Variants in ITGA4 observed in about 807,000 individuals in gnomAD.
ITGA4 encodes integrin alpha-4.
A neutral mutation model predicts 133.6 loss-of-function variants in ITGA4; 63 were observed. The observed-to-expected ratio is 0.47, with a 90% CI of 0.38 to 0.58. The LOEUF (loss-of-function observed/expected upper bound fraction) is 0.58. Among genes scored for constraint, ITGA4 ranks in the 20% least tolerant of loss-of-function variants. The pLI, the probability that ITGA4 is intolerant of heterozygous loss-of-function variation, is 0.00. For synonymous variants in ITGA4, 483 were observed against 438.0 expected (o/e 1.10, Z -1.28); for missense variants, 1,076 against 1,252.7 (o/e 0.86, Z 2.13).
chr2:181,521,373 C>G (rs1011270755), intron 17 of ITGA4, among the ~76,000 whole-genome samples: 2 of 152,110 alleles, frequency 1.3e-5, no homozygotes, highest in African/African-American at 4.8e-5. Flanking sequence ...CCTTATGTCT[C>G]AAATACTTCA....
At chr2:181,475,570 A>T (rs1685656757) in intron 4 of ITGA4, among the ~76,000 whole-genome samples, 1 of 152,200 alleles carries the variant, frequency 6.6e-6, no homozygotes, top group Non-Finnish European at 1.5e-5. Context: ...GGTATAGGTG[A>T]GACTAGTACC....
In ITGA4 at chr2:181,536,193, A is replaced by T. The variant is rs201365453; in HGVS notation, c.*666A>T. The T allele has an allele frequency of 5.3e-5, 8 of 151,916 alleles. No individual in the cohort carries two copies. The highest frequency in any genetic ancestry group is 8.8e-5 in the Non-Finnish European group (6 of 67,932). The allele number at this position is 151,916 out of a possible 1,614,324, so 9.4% of individuals were successfully genotyped here. A position where few individuals can be genotyped will look rare whatever the true frequency, so the allele number is the denominator to read the frequency against. ...TTAGTGAAATTACTTCTGGATAATT[A>T]TTTTTTTATAATTATGGATTTCACC... On this transcript the variant is annotated 3_prime_UTR_variant, in exon 28 of 28. Transcript: ENST00000397033.
In ITGA4 at chr2:181,457,501, C is replaced by A; in HGVS notation, c.-154C>A. The A allele has an allele frequency of 4.3e-6, 3 of 696,912 alleles. No homozygotes were observed. Among genetic ancestry groups the A allele is most frequent in the South Asian group, 1.9e-5 (1 of 51,596 alleles). 43.2% of individuals were successfully genotyped at this position (696,912 alleles called of 1,614,324 possible). A position where few individuals can be genotyped will look rare whatever the true frequency, so the allele number is the denominator to read the frequency against. ...GCTCCGCCCGCGGTGGGCCGACTTC[C>A]CCTCCTCTTCCCTCTCTCCTTCCTT... On this transcript the variant is annotated 5_prime_UTR_variant, in exon 1 of 28. Transcript: ENST00000397033.
chr2:181,492,452 C>T (rs551586935), intron 10 of ITGA4, among the ~76,000 whole-genome samples: 1 of 152,200 alleles, frequency 6.6e-6, no homozygotes, highest in East Asian at 1.9e-4. Flanking sequence ...ATCATGAAGA[C>T]AAACTACTTT....
Position 181,522,239 on chromosome 2 carries a change from G to A in ITGA4, c.1971G>A (p.Leu657=), listed in dbSNP as rs755382254. 3 of 1,562,172 alleles carry A rather than the reference G, an allele frequency of 1.9e-6. No homozygotes were observed. Among genetic ancestry groups the A allele is most frequent in the South Asian group, 2.2e-5 (2 of 89,894 alleles). Residue 657 remains leucine, a synonymous_variant, in exon 18 of 28, where the codon TTG becomes TTA. Coordinates refer to ENST00000397033, the MANE Select transcript of ITGA4 (RefSeq NM_000885.6). ...TTGCTGTTGGGAGTATGAAGACATT[G>A]ATGTTGAATGTGTCCTTGTTTAATG... The part of the protein sequence containing the change: ...TYLAVGSMKT[L]MLNVSLFNAG...
At chr2:181,508,055 AAAG>A (rs1363421500) in intron 15 of ITGA4, among the ~76,000 whole-genome samples, 7 of 152,154 alleles carry the variant, frequency 4.6e-5, no homozygotes, top group Non-Finnish European at 1.0e-4. Flanking sequence ...AATCAAATGA[AAAG>A]AAAATCATTT....
At position 181,458,227 on chromosome 2, in the gene ITGA4, C is replaced by T; in HGVS notation, c.229C>T (p.Leu77Phe). The T allele has an allele frequency of 6.2e-7, 1 of 1,613,850 alleles. No individual in the cohort carries two copies. Among genetic ancestry groups the T allele is most frequent in the Non-Finnish European group, 8.5e-7 (1 of 1,179,886 alleles). ...AGTGGGTGCGCCCACTGCCAACTGGCTCGCCAACGCTTCAGTGATCAATCC... is the reference window on the plus strand; with the variant it reads ...AGTGGGTGCGCCCACTGCCAACTGGTTCGCCAACGCTTCAGTGATCAATCC... ...LLVGAPTANW[L>F]ANASVINPGA... The change falls in exon 2 of 28, where the codon CTC becomes TTC. Residue 77 changes from leucine to phenylalanine, a missense_variant. Physicochemically the swap from Leu to Phe is conservative, Grantham distance 22 (BLOSUM62 0). Coordinates refer to ENST00000397033, the MANE Select transcript of ITGA4 (RefSeq NM_000885.6).
At chr2:181,498,408 A>G (rs1476002117) in intron 14 of ITGA4, 3 of 296,922 alleles carry the variant, frequency 1.0e-5, no homozygotes, top group Non-Finnish European at 1.8e-5. Flanking sequence ...ACCTAGAGGA[A>G]AGTTCATAAA....
At position 181,537,710 on chromosome 2, in the gene ITGA4, GTTTT is replaced by G. The variant is rs74486071; in HGVS notation, c.*2187_*2190del. On this transcript the variant is annotated 3_prime_UTR_variant, in exon 28 of 28. Coordinates refer to ENST00000397033, the MANE Select transcript of ITGA4 (RefSeq NM_000885.6). ...ATTGATGTATTATGATGGTTGCAAA[GTTTT>G]TTTGTGTGTCCAATAAACACATTGT... is the stretch of plus-strand genomic sequence containing the variant. 3.0e-5 allele frequency: 13 copies of G among 426,626 alleles called. No individual in the cohort carries two copies. Among genetic ancestry groups the G allele is most frequent in the Admixed American group, 1.3e-4 (5 of 37,992 alleles). 26.4% of individuals were successfully genotyped at this position (426,626 alleles called of 1,614,324 possible).
At chr2:181,464,228 C>T (rs1197485378) in intron 2 of ITGA4, among the ~76,000 whole-genome samples, 3 of 152,024 alleles carry the variant, frequency 2.0e-5, no homozygotes, top group East Asian at 1.9e-4. Context: ...AAGACATCAA[C>T]CAGGGTGGTA....
intron 26 of ITGA4, 144 bp downstream of exon 26, chr2:181,534,514 T>C (rs1447926956): frequency 3.1e-6 from 2 of 650,816 alleles, no homozygotes; most frequent in South Asian, 2.0e-5. Flanking sequence ...TGGTTGAGAG[T>C]TGGCATTTTC....
intron 26 of ITGA4, 79 bp from the exon 27 acceptor site, chr2:181,534,737 C>A: frequency 8.1e-7 from 1 of 1,239,402 alleles, no homozygotes; most frequent in Non-Finnish European, 1.1e-6. Context: ...TATGGCAGGG[C>A]TTTAAAGGAA....
rs753737980 is a variant in ITGA4, at chr2:181,523,337, C to A, written c.2074-100C>A. The A allele has an allele frequency of 4.3e-6, 3 of 691,960 alleles. No homozygotes were observed. Among genetic ancestry groups the A allele is most frequent in the Non-Finnish European group, 7.7e-6 (3 of 389,068 alleles). 42.9% of individuals were successfully genotyped at this position (691,960 alleles called of 1,614,324 possible). On this transcript the variant is annotated intron_variant, in intron 18 of 27. Transcript: ENST00000397033. The surrounding 1 kb of genome is among the most constrained non-coding windows in gnomAD (Gnocchi z 4.2). ...AATAGTTTTCCTAGAAAAGCAAATA[C>A]TTCTGGGATGATATTCTTTTCAATA...
chr2:181,526,882 A>T (rs895424193), intron 21 of ITGA4, among the ~76,000 whole-genome samples: 3 of 114,040 alleles, frequency 2.6e-5, no homozygotes, highest in Middle Eastern at 9.1e-3. Context: ...CCCATGCTGG[A>T]GGGCAGCGGT....
At position 181,458,271 on chromosome 2, in the gene ITGA4, C is replaced by T; in HGVS notation, c.273C>T (p.Cys91=). The T allele has an allele frequency of 2.5e-6, 4 of 1,613,134 alleles. No homozygotes were observed. The highest frequency in any genetic ancestry group is 1.1e-5 in the South Asian group (1 of 90,774). ...SVINPGAIYR[C]RIGKNPGQTC... ...TCAATCCCGGGGCGATTTACAGATG[C>T]AGGATCGGAAAGAATCCCGGCCAGA... The change falls in exon 2 of 28, where the codon TGC becomes TGT. Residue 91 remains cysteine (C), a synonymous_variant. Coordinates refer to ENST00000397033, the MANE Select transcript of ITGA4 (RefSeq NM_000885.6).
At chr2:181,517,366 T>A (rs1408176791) in intron 17 of ITGA4, among the ~76,000 whole-genome samples, 1 of 152,072 alleles carries the variant, frequency 6.6e-6, no homozygotes, top group Non-Finnish European at 1.5e-5. Context: ...AATAAAGCTA[T>A]ATTATTCACT....
At chr2:181,504,068 A>G (rs1574401031) in intron 15 of ITGA4, among the ~76,000 whole-genome samples, 1 of 152,120 alleles carries the variant, frequency 6.6e-6, no homozygotes, top group Non-Finnish European at 1.5e-5. Context: ...TTGAGAGGAG[A>G]AGAAGGGTGC....
chr2:181,468,099 G>A lies in ITGA4; in HGVS notation c.320-6861G>A, dbSNP rs376544260. On this transcript the variant is annotated intron_variant, in intron 2 of 27. Transcript: ENST00000397033. ...CGCTGCCAGGCTGTCATCCAAGCAC[G>A]TCACACATATCTCATTTACTCCACA... Among the ~76,000 whole-genome samples, 75 of 152,266 alleles carry A rather than the reference G, an allele frequency of 4.9e-4. 4 individuals are homozygous for A. In the South Asian group the frequency reaches 0.015, roughly 29 times the overall value.
At position 181,509,740 on chromosome 2, in the gene ITGA4, C is replaced by G; in HGVS notation, c.1778C>G (p.Thr593Arg). 6.2e-7 allele frequency: 1 copy of G among 1,610,856 alleles called. No homozygotes were observed. Among genetic ancestry groups the G allele is most frequent in the Non-Finnish European group, 8.5e-7 (1 of 1,178,006 alleles). Reference protein sequence around the residue: ...LGPHVISKRSTEEFPPLQPIL... With the variant: ...LGPHVISKRSREEFPPLQPIL... The stretch of plus-strand genomic sequence containing the variant: ...CCTCATGTCATCAGTAAACGAAGTA[C>G]AGAGGAATTCCCACCACTTCAGCCA... The change falls in exon 16 of 28, where the codon ACA (threonine) becomes AGA (arginine). Residue 593 changes from threonine to arginine, a missense_variant. By Grantham distance (71) the Thr-to-Arg change is moderately conservative (BLOSUM62 -1). Coordinates refer to ENST00000397033, the MANE Select transcript of ITGA4 (RefSeq NM_000885.6).
Sources: allele counts gnomAD v4.1 joint callset (sites outside exome capture counted in the v4.1 genomes callset), GRCh38; gene constraint gnomAD v4.1.1; non-coding constraint Gnocchi (gnomAD v3.1); transcripts MANE v1.5; gene names NCBI Gene and HGNC (gene_info 2026-07-23, HGNC 2026-07-21).